EAPP: variants seen among roughly 807,000 people sequenced by gnomAD.
The protein encoded by EAPP is E2F associated phosphoprotein.
A neutral mutation model predicts 34.3 loss-of-function variants in EAPP; 38 were observed. The ratio of observed to expected loss-of-function variants is 1.11; its 90% confidence interval spans 0.85 to 1.45. The LOEUF (loss-of-function observed/expected upper bound fraction) is 1.45. Ranked by LOEUF, EAPP falls within the 40% of genes most tolerant of loss-of-function variation. The pLI is 0.00. For synonymous variants in EAPP, 113 were observed against 117.6 expected, an observed-to-expected ratio of 0.96 and a Z score of 0.25; for missense variants, 338 against 343.7, an observed-to-expected ratio of 0.98 and a Z score of 0.13.
chr14:34,529,674 G>T (rs775990414), intron 3 of EAPP, among the ~76,000 whole-genome samples, 199 bp from the exon 4 acceptor site: 1 of 152,120 alleles, frequency 6.6e-6, no homozygotes, highest in Non-Finnish European at 1.5e-5. Context: ...GACGTCAGGA[G>T]ATCGAGACCA....
intron 3 of EAPP, among the ~76,000 whole-genome samples, chr14:34,531,213 CA>C (rs1286452234): frequency 6.6e-6 from 1 of 151,972 alleles, no homozygotes. Flanking sequence ...GCTGAGGCAC[CA>C]GAATCGCTTG....
rs1427608956 is a variant in EAPP, at chr14:34,516,539, C to CAA, written c.627_628dup (p.Cys210PhefsTer10). Reference sequence around the variant, plus strand: ...TAGAACCTCCTCTTTGTTAATAGAACAATTCATTACAAACATTGCTCTATA... The same window carrying CAA: ...TAGAACCTCCTCTTTGTTAATAGAACAAAATTCATTACAAACATTGCTCTATA... On this transcript the variant is annotated frameshift_variant, in exon 6 of 6. Coordinates refer to ENST00000250454, the MANE Select transcript of EAPP (RefSeq NM_018453.4). LOFTEE classifies it high-confidence loss of function. The CAA allele has an allele frequency of 1.9e-6, 3 of 1,613,834 alleles. No individual in the cohort carries two copies. Among genetic ancestry groups the CAA allele is most frequent in the Admixed American group, 1.7e-5 (1 of 59,942 alleles).
chr14:34,517,636 G>T (rs1228496663), intron 5 of EAPP, among the ~76,000 whole-genome samples: 1 of 151,774 alleles, frequency 6.6e-6, no homozygotes, highest in Non-Finnish European at 1.5e-5. Context: ...TTTCTAAGAG[G>T]TTTGTCAATT....
chr14:34,530,497 T>G (rs1237547554), intron 3 of EAPP, among the ~76,000 whole-genome samples: 1 of 152,094 alleles, frequency 6.6e-6, no homozygotes, highest in African/African-American at 2.4e-5. Context: ...ACTGCACTGC[T>G]GGAGACTGGG....
At chr14:34,521,226 G>A (rs1048693340) in intron 5 of EAPP, among the ~76,000 whole-genome samples, 8 of 151,602 alleles carry the variant, frequency 5.3e-5, no homozygotes, top group African/African-American at 9.7e-5. Context: ...GCACCACCAC[G>A]CCCAGCTAAT....
chr14:34,537,877 C>T (rs917591939), intron 1 of EAPP, among the ~76,000 whole-genome samples: 1 of 152,162 alleles, frequency 6.6e-6, no homozygotes, highest in African/African-American at 2.4e-5. Context: ...TAACAGGCTA[C>T]AATGTATTAG....
chr14:34,530,732 A>G (rs1880254755), intron 3 of EAPP, among the ~76,000 whole-genome samples: 1 of 151,772 alleles, frequency 6.6e-6, no homozygotes, highest in African/African-American at 2.4e-5. Flanking sequence ...GTATGAATAT[A>G]TATATAAAAT....
At chr14:34,530,904 C>CAAAAAAAAAAAAAAAAAAAAAAA in intron 3 of EAPP, among the ~76,000 whole-genome samples, 1 of 55,190 alleles carries the variant, frequency 1.8e-5, no homozygotes, top group Non-Finnish European at 3.2e-5. Flanking sequence ...CAATCTTTAC[C>CAAAAAAAAAAAAAAAAAAAAAAA]AAAAAAAAAA....
intron 4 of EAPP, among the ~76,000 whole-genome samples, chr14:34,525,783 G>T (rs1304288049): frequency 6.6e-6 from 1 of 152,118 alleles, no homozygotes; most frequent in African/African-American, 2.4e-5. Context: ...ACTTTGGGAG[G>T]CCGAGGCGGG....
chr14:34,525,989 C>CA (rs1337830838), intron 4 of EAPP, among the ~76,000 whole-genome samples: 1 of 151,818 alleles, frequency 6.6e-6, no homozygotes, highest in Non-Finnish European at 1.5e-5. Flanking sequence ...CACTGCACTC[C>CA]AGCCTGGGCG....
chr14:34,521,112 A>C (rs1406017865), intron 5 of EAPP, among the ~76,000 whole-genome samples: 1 of 152,084 alleles, frequency 6.6e-6, no homozygotes, highest in Non-Finnish European at 1.5e-5. Context: ...CTTGTTGCCC[A>C]GGCTGTAGTG....
chr14:34,529,538 G>A, intron 3 of EAPP, 63 bp from the exon 4 acceptor site: 2 of 1,173,478 alleles, frequency 1.7e-6, no homozygotes, highest in East Asian at 2.4e-5. Flanking sequence ...TTCTTTAAAT[G>A]AAGAGTCTCA....
intron 5 of EAPP, among the ~76,000 whole-genome samples, 195 bp downstream of exon 5, chr14:34,524,502 G>T (rs1431720238): frequency 6.6e-6 from 1 of 151,884 alleles, no homozygotes. Context: ...TGTAATCCCA[G>T]CTACCTGGGA....
At chr14:34,521,874 T>C (rs1168170848) in intron 5 of EAPP, among the ~76,000 whole-genome samples, 1 of 152,144 alleles carries the variant, frequency 6.6e-6, no homozygotes, top group Non-Finnish European at 1.5e-5. Flanking sequence ...GACCTCGTGA[T>C]CAGCCCTCCT....
intron 1 of EAPP, chr14:34,539,242 G>A (rs988744422): frequency 3.6e-6 from 2 of 558,242 alleles, no homozygotes; most frequent in Non-Finnish European, 3.4e-6. Flanking sequence ...AGTAATCGAG[G>A]ATAACTGACT....
At position 34,516,588 on chromosome 14, in the gene EAPP, T is replaced by C; in HGVS notation, c.582-2A>G. On this transcript the variant is annotated splice_acceptor_variant, in intron 5 of 5. Coordinates refer to ENST00000250454, the MANE Select transcript of EAPP (RefSeq NM_018453.4). LOFTEE classifies it high-confidence loss of function. ...TATTGAGTTTTGTATGATTCATGCCTAAGAGAAAAATGAAATGGAGAATTG... is the reference window on the plus strand; with the variant it reads ...TATTGAGTTTTGTATGATTCATGCCCAAGAGAAAAATGAAATGGAGAATTG... 1 of 1,597,810 alleles carries C rather than the reference T, an allele frequency of 6.3e-7. No individual in the cohort carries two copies.
At chr14:34,533,051 A>G (rs999630935) in intron 3 of EAPP, among the ~76,000 whole-genome samples, 2 of 145,702 alleles carry the variant, frequency 1.4e-5, no homozygotes, top group Non-Finnish European at 3.0e-5. Flanking sequence ...TTATTTATTT[A>G]TTTGAGACAG....
intron 5 of EAPP, among the ~76,000 whole-genome samples, chr14:34,518,261 G>A (rs1879800753): frequency 6.7e-6 from 1 of 149,878 alleles, no homozygotes. Context: ...TGAGAGTGGA[G>A]TGTTGAAGTC....
intron 5 of EAPP, among the ~76,000 whole-genome samples, chr14:34,521,193 C>T (rs770203187): frequency 2.2e-4 from 34 of 152,060 alleles, no homozygotes; most frequent in Non-Finnish European, 4.6e-4. Flanking sequence ...CTCAGCCTCC[C>T]GAGTAGCTTG....
Sources: gnomAD v4.1 joint callset for allele counts (sites outside exome capture counted in the v4.1 genomes callset) on GRCh38, gnomAD v4.1.1 for gene constraint, MANE v1.5 for transcripts, NCBI Gene and HGNC (gene_info 2026-07-23, HGNC 2026-07-21) for gene names.